PHLPP1: variants seen among roughly 807,000 people sequenced by gnomAD.
PHLPP1 encodes the protein PH domain and leucine rich repeat protein phosphatase 1.
A neutral mutation model predicts 117.2 loss-of-function variants in PHLPP1; 42 were observed. That is an observed-to-expected ratio of 0.36 (90% CI 0.28 to 0.46). The LOEUF is 0.46. PHLPP1 is among the 20% of genes least tolerant of loss of function. PHLPP1 has a pLI of 1.00. For synonymous variants in PHLPP1, 1,042 were observed against 970.7 expected (o/e 1.07, Z -1.37); for missense variants, 2,084 against 2,241.9 (o/e 0.93, Z 1.42).
chr18:62,785,674 G>A (rs888674136), intron 1 of PHLPP1, among the ~76,000 whole-genome samples: 1 of 152,172 alleles, frequency 6.6e-6, no homozygotes, highest in South Asian at 2.1e-4. Flanking sequence ...TGCCCACTGT[G>A]CTGTTTTGCC....
intron 15 of PHLPP1, among the ~76,000 whole-genome samples, chr18:62,974,812 T>C (rs1911143042): frequency 6.6e-6 from 1 of 152,252 alleles, no homozygotes; most frequent in South Asian, 2.1e-4. Flanking sequence ...CTAGAATAGA[T>C]GGTGCTGGTC....
At chr18:62,867,750 C>T (rs1481065063) in intron 4 of PHLPP1, among the ~76,000 whole-genome samples, 5 of 151,612 alleles carry the variant, frequency 3.3e-5, no homozygotes, top group Admixed American at 1.3e-4. Flanking sequence ...TCTGCCACGG[C>T]GATGCATGCC....
intron 1 of PHLPP1, among the ~76,000 whole-genome samples, chr18:62,815,154 T>G (rs1914231926): frequency 6.6e-6 from 1 of 151,134 alleles, no homozygotes; most frequent in African/African-American, 2.4e-5. Context: ...TTTCTTTTTT[T>G]TTTTTCCTCT....
rs191736799 is a variant in PHLPP1, at chr18:62,866,617, T to C, written c.2066+6016T>C. 7.2e-5 allele frequency among the ~76,000 whole-genome samples: 11 copies of C among 152,304 alleles called. No individual in the cohort carries two copies. In the East Asian group the frequency reaches 2.1e-3, roughly 29 times the overall value. ...TTACAGTTTTCTGCATTTTTTAAAT[T>C]TGAGTATTTCATAATAATCCAAACA... On this transcript the variant is annotated intron_variant, in intron 4 of 16. Transcript: ENST00000262719.
intron 4 of PHLPP1, among the ~76,000 whole-genome samples, chr18:62,880,205 G>A (rs1490843452): frequency 6.6e-6 from 1 of 151,314 alleles, no homozygotes; most frequent in East Asian, 1.9e-4. Flanking sequence ...TGGGTGTTAG[G>A]GTTTTTTTTT....
At chr18:62,798,403 C>T (rs1484804577) in intron 1 of PHLPP1, among the ~76,000 whole-genome samples, 1 of 152,104 alleles carries the variant, frequency 6.6e-6, no homozygotes, top group Non-Finnish European at 1.5e-5. Flanking sequence ...CCAAAATACA[C>T]AATCCTTTAC....
At chr18:62,737,245 G>A (rs745700609) in intron 1 of PHLPP1, among the ~76,000 whole-genome samples, 1 of 152,152 alleles carries the variant, frequency 6.6e-6, no homozygotes, top group Non-Finnish European at 1.5e-5. Context: ...GACAGGGCTC[G>A]ATGTGGGTGG....
At chr18:62,854,727 G>A (rs551718117) in intron 3 of PHLPP1, among the ~76,000 whole-genome samples, 23 of 132,426 alleles carry the variant, frequency 1.7e-4, no homozygotes, top group Admixed American at 1.1e-3. Context: ...ATGAAGTTTC[G>A]CTCTTGTCAC....
In PHLPP1 at chr18:62,715,560, C is replaced by T; in HGVS notation, c.-124C>T. On this transcript the variant is annotated 5_prime_UTR_variant, in exon 1 of 17. Transcript: ENST00000262719. The stretch of plus-strand genomic sequence containing the variant: ...TCGCCACATAATCCCCTGGAACGGC[C>T]GCGCACAACGCCATTGGCTTCTCCC... 2.0e-6 allele frequency: 1 copy of T among 498,906 alleles called. No homozygotes were observed. The highest frequency in any genetic ancestry group is 2.0e-5 in the African/African-American group (1 of 50,400). 30.9% of individuals were successfully genotyped at this position (498,906 alleles called of 1,614,324 possible). A position where few individuals can be genotyped will look rare whatever the true frequency, so the allele number is the denominator to read the frequency against.
rs1912362544 is a variant in PHLPP1, at chr18:62,764,068, G to GAGA, written c.1576+46814_1576+46816dup. On this transcript the variant is annotated intron_variant, in intron 1 of 16. Coordinates refer to ENST00000262719, the MANE Select transcript of PHLPP1 (RefSeq NM_194449.4). ...ATCCCAGCTACTTGGGAGGCTAAGG[G>GAGA]AGAAGAATCGCTTGAACCCGGCAGG... Among the ~76,000 whole-genome samples the GAGA allele has an allele frequency of 4.7e-5, 7 of 148,790 alleles. No individual in the cohort carries two copies. The Admixed American group carries it at 4.7e-4, about 10-fold the overall frequency.
rs1025423929 is a variant in PHLPP1, at chr18:62,716,095, T to G, written c.412T>G (p.Ser138Ala). The stretch of plus-strand genomic sequence containing the variant: ...TCTGTCCGCGGCCGCCGCGGCCGCC[T>G]CCTCGTCGTCGTCGTCCTCGGCCGC... Reference protein sequence around the residue: ...RNLSAAAAAASSSSSSSAAAA... With the variant: ...RNLSAAAAAAASSSSSSAAAA... Residue 138 changes from serine (S) to alanine (A), a missense_variant, in exon 1 of 17, where the codon TCC (serine) becomes GCC (alanine). Physicochemically the swap from Ser to Ala is moderately conservative, Grantham distance 99 (BLOSUM62 1). Around this residue, in one of 2 missense-constraint regions of PHLPP1, gnomAD observed 719 missense variants for 636.0 expected, o/e 1.13. Coordinates refer to ENST00000262719, the MANE Select transcript of PHLPP1 (RefSeq NM_194449.4). The surrounding 1 kb of genome is among the most constrained non-coding windows in gnomAD (Gnocchi z 5.7). 1.2e-5 allele frequency: 18 copies of G among 1,499,608 alleles called. No individual in the cohort carries two copies. Among genetic ancestry groups the G allele is most frequent in the African/African-American group, 2.9e-5 (2 of 68,766 alleles). 92.9% of individuals were successfully genotyped at this position (1,499,608 alleles called of 1,614,324 possible).
intron 12 of PHLPP1, among the ~76,000 whole-genome samples, 175 bp downstream of exon 12, chr18:62,945,446 T>TA (rs60679600): frequency 2.0e-5 from 3 of 152,204 alleles, no homozygotes; most frequent in African/African-American, 7.2e-5. Context: ...TCGGCAGAGT[T>TA]AAAAAACAAA....
At chr18:62,836,654 T>G (rs1914912495) in intron 2 of PHLPP1, among the ~76,000 whole-genome samples, 1 of 151,492 alleles carries the variant, frequency 6.6e-6, no homozygotes. Flanking sequence ...GCTGGATGAG[T>G]TTGCATGAGT....
rs368142682 is a variant in PHLPP1, at chr18:62,815,453, G to T, written c.1577-14582G>T. 3.3e-5 allele frequency among the ~76,000 whole-genome samples: 5 copies of T among 152,062 alleles called. No homozygotes were observed. The East Asian group carries it at 9.6e-4, about 29-fold the overall frequency. On this transcript the variant is annotated intron_variant, in intron 1 of 16. Transcript: ENST00000262719. ...ATTACAGGCTTGAGCCACCGCGCCC[G>T]GCCTTGAGGATGTTTCTAATATGGC...
At chr18:62,946,639 TTGTG>T (rs147900391) in intron 12 of PHLPP1, among the ~76,000 whole-genome samples, 6 of 151,836 alleles carry the variant, frequency 4.0e-5, no homozygotes, top group East Asian at 1.9e-4. Flanking sequence ...GCCATTTTGT[TTGTG>T]TGTGTGTGTG....
chr18:62,862,574 C>G (rs1382008623), intron 4 of PHLPP1, among the ~76,000 whole-genome samples: 1 of 152,062 alleles, frequency 6.6e-6, no homozygotes, highest in Non-Finnish European at 1.5e-5. Flanking sequence ...TGCCAAATAC[C>G]CAAGTATGAA....
At chr18:62,882,511 G>C (rs545293101) in intron 4 of PHLPP1, among the ~76,000 whole-genome samples, 4 of 151,782 alleles carry the variant, frequency 2.6e-5, no homozygotes, top group Non-Finnish European at 4.4e-5. Context: ...TGCCTGCCTC[G>C]GCCTCCCAAA....
chr18:62,799,558 A>G (rs918850413), intron 1 of PHLPP1, among the ~76,000 whole-genome samples: 8 of 152,252 alleles, frequency 5.3e-5, no homozygotes, highest in Non-Finnish European at 8.8e-5. Flanking sequence ...CAGCTAAAGA[A>G]TGAGAGCATC....
intron 2 of PHLPP1, among the ~76,000 whole-genome samples, chr18:62,831,230 T>G (rs1473957431): frequency 2.6e-5 from 4 of 152,200 alleles, no homozygotes. Flanking sequence ...ACCATACTTA[T>G]AGGTCAGTAT....
Sources: gnomAD v4.1 joint callset for allele counts (sites outside exome capture counted in the v4.1 genomes callset) on GRCh38, gnomAD v4.1.1 for gene constraint, gnomAD v4.1.1 regional missense constraint, Gnocchi (gnomAD v3.1) non-coding constraint, MANE v1.5 for transcripts, NCBI Gene and HGNC (gene_info 2026-07-23, HGNC 2026-07-21) for gene names.